MBOAT2: variants seen among roughly 807,000 people sequenced by gnomAD.
MBOAT2 encodes membrane-bound glycerophospholipid O-acyltransferase 2.
MBOAT2 carries 28 observed loss-of-function variants against 63.4 expected under a neutral mutation model. That is an observed-to-expected ratio of 0.44 (90% confidence interval 0.33 to 0.61). MBOAT2 has a LOEUF of 0.61. MBOAT2 is among the 20% of genes least tolerant of loss of function. MBOAT2 has a pLI of 0.03. For missense variants in MBOAT2, 470 were observed against 605.8 expected (o/e 0.78, Z 2.35); for synonymous variants, 211 against 215.6 (o/e 0.98, Z 0.19).
intron 1 of MBOAT2, among the ~76,000 whole-genome samples, chr2:8,988,508 G>A (rs914202659): frequency 6.6e-6 from 1 of 152,122 alleles, no homozygotes; most frequent in African/African-American, 2.4e-5. Flanking sequence ...GGAAACAAAT[G>A]AGTTAATGTG....
chr2:8,997,462 C>G (rs927895040), intron 1 of MBOAT2, among the ~76,000 whole-genome samples: 24 of 152,152 alleles, frequency 1.6e-4, no homozygotes, highest in Non-Finnish European at 1.5e-5. Flanking sequence ...GATTTTAATC[C>G]TAGTTTAATC....
intron 3 of MBOAT2, among the ~76,000 whole-genome samples, chr2:8,912,830 T>C (rs1029541495): frequency 1.3e-5 from 2 of 152,108 alleles, no homozygotes; most frequent in African/African-American, 4.8e-5. Context: ...TTCACAGAGT[T>C]AGAAAAAGCA....
chr2:8,959,789 C>CGAAT (rs1669486564), intron 1 of MBOAT2, among the ~76,000 whole-genome samples: 1 of 152,052 alleles, frequency 6.6e-6, no homozygotes, highest in South Asian at 2.1e-4. Flanking sequence ...CCTTATGAAA[C>CGAAT]ATATTCTCAT....
rs533314987 is a variant in MBOAT2 at position 8,870,948 on chromosome 2, G to A, written c.883+2160C>T. 2.5e-4 allele frequency among the ~76,000 whole-genome samples: 38 copies of A among 152,064 alleles called. No homozygotes were observed. The South Asian group carries it at 4.4e-3, about 17-fold the overall frequency. On this transcript the variant is annotated intron_variant, in intron 8 of 12. Transcript: ENST00000305997. Reference sequence around the variant, plus strand: ...GGTCGGAGGATCAGAAGTACCCTAAGAATCATTTTAATTGTCATAATTGCA... The same window carrying A: ...GGTCGGAGGATCAGAAGTACCCTAAAAATCATTTTAATTGTCATAATTGCA...
chr2:8,911,368 G>T (rs544724582), intron 3 of MBOAT2, among the ~76,000 whole-genome samples: 2 of 152,306 alleles, frequency 1.3e-5, no homozygotes, highest in East Asian at 3.9e-4. Context: ...TGTGAACTGT[G>T]GGGGCCAGAG....
intron 4 of MBOAT2, among the ~76,000 whole-genome samples, chr2:8,899,839 G>A (rs1664782162): frequency 6.6e-6 from 1 of 152,060 alleles, no homozygotes; most frequent in Non-Finnish European, 1.5e-5. Context: ...TTTCCTTTTG[G>A]GCCTGTTCCT....
chr2:8,884,702 G>C (rs1319690827), intron 5 of MBOAT2, among the ~76,000 whole-genome samples: 7 of 152,144 alleles, frequency 4.6e-5, no homozygotes, highest in Non-Finnish European at 1.0e-4. Flanking sequence ...AGTTCAGTCT[G>C]CCATGTTGCT....
At chr2:8,877,893 G>A (rs377231465) in intron 6 of MBOAT2, among the ~76,000 whole-genome samples, 5 of 152,222 alleles carry the variant, frequency 3.3e-5, no homozygotes, top group South Asian at 4.1e-4. Context: ...GAGTGGACCC[G>A]GGGGAAGAGG....
chr2:8,998,610 G>T (rs1044754572), intron 1 of MBOAT2, among the ~76,000 whole-genome samples: 2 of 151,336 alleles, frequency 1.3e-5, no homozygotes, highest in African/African-American at 2.4e-5. Context: ...GGGGAAGAGC[G>T]GGGGGCGGGG....
chr2:8,866,503 A>C (rs1661910160), intron 9 of MBOAT2, among the ~76,000 whole-genome samples: 1 of 152,230 alleles, frequency 6.6e-6, no homozygotes. Context: ...AGAATATTTC[A>C]AAGCAAATAC....
At chr2:8,959,096 G>A (rs948901911) in intron 1 of MBOAT2, among the ~76,000 whole-genome samples, 4 of 152,198 alleles carry the variant, frequency 2.6e-5, no homozygotes, top group Admixed American at 6.5e-5. Context: ...GACTATAAGG[G>A]CACCAGGGCC....
intron 3 of MBOAT2, among the ~76,000 whole-genome samples, chr2:8,932,085 T>C (rs1667359915): frequency 1.3e-5 from 2 of 152,198 alleles, no homozygotes; most frequent in African/African-American, 4.8e-5. Flanking sequence ...TACCCTTACC[T>C]GTCTTTTCCA....
chr2:8,877,289 A>C, intron 6 of MBOAT2, 76 bp from the exon 7 acceptor site: 1 of 1,336,172 alleles, frequency 7.5e-7, no homozygotes, highest in Non-Finnish European at 1.0e-6. Flanking sequence ...GATCCACCTC[A>C]CTGCTCTCCA....
At chr2:8,954,147 T>C (rs959426326) in intron 2 of MBOAT2, among the ~76,000 whole-genome samples, 5 of 152,152 alleles carry the variant, frequency 3.3e-5, no homozygotes, top group African/African-American at 7.2e-5. Flanking sequence ...AGTGTGACTG[T>C]AGAGAATGCT....
At chr2:8,940,739 T>C (rs191317532) in intron 3 of MBOAT2, among the ~76,000 whole-genome samples, 1 of 152,188 alleles carries the variant, frequency 6.6e-6, no homozygotes, top group African/African-American at 2.4e-5. Context: ...TCAAAGCAAG[T>C]ACAATAACTA....
chr2:8,923,729 A>G (rs1242036041), intron 3 of MBOAT2, among the ~76,000 whole-genome samples: 1 of 152,130 alleles, frequency 6.6e-6, no homozygotes, highest in Non-Finnish European at 1.5e-5. Context: ...AATACCATCA[A>G]TTCCCACTGT....
intron 9 of MBOAT2, among the ~76,000 whole-genome samples, 168 bp downstream of exon 9, chr2:8,868,278 G>C (rs78813406): frequency 0.021 from 3,246 of 152,218 alleles, 117 homozygotes; most frequent in African/African-American, 0.075. Flanking sequence ...CTTGTCTCCA[G>C]TGCCCAGGGC....
Position 8,889,050 on chromosome 2 carries a change from C to T in MBOAT2, c.396-977G>A, listed in dbSNP as rs1483766932. Among the ~76,000 whole-genome samples, 7 of 152,242 alleles carry T rather than the reference C, an allele frequency of 4.6e-5. No individual in the cohort carries two copies. The Middle Eastern group carries it at 0.01, about 222-fold the overall frequency. Reference sequence around the variant, plus strand: ...AGGTAGACTGTGCTCTATACACATGCAGAGGAGAACATGTTTCACGGAATC... The same window carrying T: ...AGGTAGACTGTGCTCTATACACATGTAGAGGAGAACATGTTTCACGGAATC... On this transcript the variant is annotated intron_variant, in intron 4 of 12. Transcript: ENST00000305997.
chr2:8,939,757 G>A (rs1202222435), intron 3 of MBOAT2, among the ~76,000 whole-genome samples: 1 of 152,056 alleles, frequency 6.6e-6, no homozygotes, highest in South Asian at 2.1e-4. Context: ...TACACACACA[G>A]AATAAACTCT....
Sources: gnomAD v4.1 joint callset for allele counts (sites outside exome capture counted in the v4.1 genomes callset) on GRCh38, gnomAD v4.1.1 for gene constraint, MANE v1.5 for transcripts, NCBI Gene and HGNC (gene_info 2026-07-23, HGNC 2026-07-21) for gene names.